LRBA: variants seen among roughly 807,000 people sequenced by gnomAD.
LRBA encodes the protein LPS responsive beige-like anchor protein, also known as lipopolysaccharide-responsive and beige-like anchor protein.
A neutral mutation model predicts 330.0 loss-of-function variants in LRBA; 176 were observed. The observed-to-expected ratio is 0.53, with a 90% confidence interval of 0.47 to 0.60. The LOEUF is 0.60. LRBA is among the 20% of genes least tolerant of loss of function. The pLI is 0.00. For missense variants in LRBA, 3,259 were observed against 3,444.8 expected (o/e 0.95, Z 1.35); for synonymous variants, 1,230 against 1,193.0 (o/e 1.03, Z -0.64).
rs565358007 is a variant in LRBA at position 150,752,389 on chromosome 4, T to C, written c.5645+9394A>G. 2.0e-4 allele frequency among the ~76,000 whole-genome samples: 30 copies of C among 152,194 alleles called. No homozygotes were observed. In the South Asian group the frequency reaches 6.0e-3, roughly 31 times the overall value. ...TAAAGCTCTCAGTAACAACTTTGAATAAGGGATGTAAAGGTTCTAACATCA... is the reference window on the plus strand; with the variant it reads ...TAAAGCTCTCAGTAACAACTTTGAACAAGGGATGTAAAGGTTCTAACATCA... On this transcript the variant is annotated intron_variant, in intron 35 of 56. Transcript: ENST00000651943.
chr4:150,880,004 G>C lies in LRBA; in HGVS notation c.2166-7249C>G, dbSNP rs186684360. Reference sequence around the variant, plus strand: ...ACCCAACTTCAAACTATACTATAAGGCTACAGTGACCAAAACAGCATGGTA... The same window carrying C: ...ACCCAACTTCAAACTATACTATAAGCCTACAGTGACCAAAACAGCATGGTA... On this transcript the variant is annotated intron_variant, in intron 17 of 56. Transcript: ENST00000651943. 8.5e-5 allele frequency among the ~76,000 whole-genome samples: 13 copies of C among 152,236 alleles called. No individual in the cohort carries two copies. The East Asian group carries it at 2.3e-3, about 27-fold the overall frequency.
chr4:150,489,514 AATATATAAGAATACATAAT>A (rs1758569367), intron 41 of LRBA, among the ~76,000 whole-genome samples: 1 of 34,534 alleles, frequency 2.9e-5, no homozygotes, highest in African/African-American at 6.1e-5. Flanking sequence ...AAGAATATAT[AATATATAAGAATACATAAT>A]ATATATTATA....
chr4:150,555,336 C>A (rs2088539938), intron 40 of LRBA, among the ~76,000 whole-genome samples: 1 of 152,030 alleles, frequency 6.6e-6, no homozygotes, highest in African/African-American at 2.4e-5. Flanking sequence ...CTGTTCAACC[C>A]ATAACAATTC....
chr4:150,745,222 C>T (rs549767057), intron 35 of LRBA, among the ~76,000 whole-genome samples: 37 of 152,272 alleles, frequency 2.4e-4, no homozygotes, highest in African/African-American at 8.4e-4. Context: ...TGAGTCTAGA[C>T]TTCTGACCCA....
chr4:150,528,537 T>A (rs1763723512), intron 40 of LRBA, among the ~76,000 whole-genome samples: 1 of 151,556 alleles, frequency 6.6e-6, no homozygotes, highest in African/African-American at 2.4e-5. Context: ...TTAATTTCCA[T>A]AAAAGAAAGT....
intron 46 of LRBA, among the ~76,000 whole-genome samples, chr4:150,432,485 A>T (rs1239717147): frequency 8.7e-6 from 1 of 114,482 alleles, no homozygotes; most frequent in Non-Finnish European, 1.8e-5. Flanking sequence ...TTTGAGACAC[A>T]GTCTCCCTGT....
chr4:150,615,704 C>T (rs1487669912), intron 37 of LRBA, among the ~76,000 whole-genome samples: 1 of 152,006 alleles, frequency 6.6e-6, no homozygotes, highest in Non-Finnish European at 1.5e-5. Context: ...AAATCTGGGG[C>T]AGAAAAGGGC....
At chr4:150,569,067 T>C (rs966744510) in intron 40 of LRBA, among the ~76,000 whole-genome samples, 9 of 152,112 alleles carry the variant, frequency 5.9e-5, no homozygotes, top group Non-Finnish European at 1.2e-4. Context: ...GCTGTAAAAA[T>C]GTAAGAGTTA....
chr4:150,663,477 A>T (rs544781604), intron 37 of LRBA, among the ~76,000 whole-genome samples: 1 of 152,252 alleles, frequency 6.6e-6, no homozygotes, highest in Admixed American at 6.5e-5. Context: ...TTGAATATAA[A>T]AAATTTCATA....
chr4:150,470,943 C>CTTATTA (rs1481284173), intron 43 of LRBA, among the ~76,000 whole-genome samples: 19 of 152,100 alleles, frequency 1.2e-4, no homozygotes, highest in African/African-American at 4.3e-4. Flanking sequence ...TTATCTTACA[C>CTTATTA]ACACAGCCTC....
intron 36 of LRBA, among the ~76,000 whole-genome samples, chr4:150,712,202 T>C (rs1302888133): frequency 6.6e-6 from 1 of 152,236 alleles, no homozygotes; most frequent in Non-Finnish European, 1.5e-5. Context: ...ACCTGGCTCA[T>C]GGGTTATTTA....
At chr4:150,774,341 TAAGA>T (rs1329387072) in intron 34 of LRBA, among the ~76,000 whole-genome samples, 5 of 152,274 alleles carry the variant, frequency 3.3e-5, no homozygotes, top group Admixed American at 2.0e-4. Flanking sequence ...CTTGTCGTTG[TAAGA>T]CTGACTGACC....
chr4:150,884,649 C>T (rs774891871), intron 17 of LRBA, among the ~76,000 whole-genome samples: 2 of 152,026 alleles, frequency 1.3e-5, no homozygotes, highest in Non-Finnish European at 2.9e-5. Context: ...GAGCTGTAGA[C>T]CGTGGAGAAA....
At chr4:150,978,433 T>C (rs567645475) in intron 2 of LRBA, among the ~76,000 whole-genome samples, 1 of 152,100 alleles carries the variant, frequency 6.6e-6, no homozygotes, top group Non-Finnish European at 1.5e-5. Flanking sequence ...TGGGCACAAA[T>C]AAGCCCAGAC....
chr4:150,942,219 T>C (rs1735746982), intron 2 of LRBA, among the ~76,000 whole-genome samples: 2 of 152,166 alleles, frequency 1.3e-5, no homozygotes, highest in South Asian at 2.1e-4. Context: ...ATGGGTTGGG[T>C]AGACAAAATT....
At chr4:150,693,396 T>C (rs1454152329) in intron 36 of LRBA, among the ~76,000 whole-genome samples, 1 of 150,876 alleles carries the variant, frequency 6.6e-6, no homozygotes, top group African/African-American at 2.4e-5. Context: ...ACCCCGTCTC[T>C]ACTAAAAATA....
intron 40 of LRBA, among the ~76,000 whole-genome samples, chr4:150,506,959 A>G (rs535169404): frequency 1.3e-5 from 2 of 152,134 alleles, no homozygotes; most frequent in African/African-American, 4.8e-5. Context: ...CCAAATCATG[A>G]GTGAACTCCC....
intron 37 of LRBA, among the ~76,000 whole-genome samples, chr4:150,600,667 G>A (rs953086203): frequency 1.3e-5 from 2 of 151,834 alleles, no homozygotes; most frequent in Non-Finnish European, 2.9e-5. Context: ...AATTTAAAAA[G>A]CTATTATTAT....
At chr4:150,524,711 G>A (rs941906821) in intron 40 of LRBA, among the ~76,000 whole-genome samples, 3 of 152,170 alleles carry the variant, frequency 2.0e-5, no homozygotes, top group Non-Finnish European at 2.9e-5. Flanking sequence ...GCTACAGGTA[G>A]ATTGTCCCTT....
Sources: gnomAD v4.1 joint callset for allele counts (sites outside exome capture counted in the v4.1 genomes callset) on GRCh38, gnomAD v4.1.1 for gene constraint, MANE v1.5 for transcripts, NCBI Gene and HGNC (gene_info 2026-07-23, HGNC 2026-07-21) for gene names.